Variants in ANKRD31 observed in about 807,000 individuals in gnomAD.
ANKRD31 encodes the protein ankyrin repeat domain 31, also known as ankyrin repeat domain-containing protein 31.
A neutral mutation model predicts 186.0 loss-of-function variants in ANKRD31; 147 were observed. The ratio of observed to expected loss-of-function variants is 0.79; its 90% CI spans 0.69 to 0.91. The LOEUF (loss-of-function observed/expected upper bound fraction) is 0.91, where lower values mean the gene tolerates loss of function less well. Among genes scored for constraint, ANKRD31 ranks in the 40% least tolerant of loss-of-function variants. The probability of loss-of-function intolerance (pLI) is 0.00; values close to 1 mark genes in which losing one functional copy is unlikely to be tolerated. For missense variants in ANKRD31, 1,986 were observed against 2,148.8 expected (o/e 0.92, Z 1.50); for synonymous variants, 673 against 736.4 (o/e 0.91, Z 1.39).
chr5:75,223,272 A>G (rs1757416627), intron 2 of ANKRD31, among the ~76,000 whole-genome samples: 1 of 150,890 alleles, frequency 6.6e-6, no homozygotes, highest in African/African-American at 2.5e-5. Context: ...AATATTTTTC[A>G]ATTATTAAGA....
intron 17 of ANKRD31, among the ~76,000 whole-genome samples, chr5:75,133,898 C>A (rs878975778): frequency 6.6e-6 from 1 of 152,098 alleles, no homozygotes; most frequent in African/African-American, 2.4e-5. Context: ...AACTGAACAA[C>A]CTGCTCCTGA....
chr5:75,148,434 T>A (rs977457161), intron 13 of ANKRD31, 142 bp downstream of exon 13: 1 of 544,806 alleles, frequency 1.8e-6, no homozygotes, highest in Non-Finnish European at 3.1e-6. Context: ...CTGATTCTCA[T>A]GCAATTATTC....
chr5:75,211,649 A>G (rs1756657419), intron 3 of ANKRD31, among the ~76,000 whole-genome samples: 1 of 152,154 alleles, frequency 6.6e-6, no homozygotes, highest in Non-Finnish European at 1.5e-5. Context: ...ATTCTTGCCA[A>G]CACTTGTTAT....
chr5:75,122,053 G>A (rs747790483), intron 17 of ANKRD31, among the ~76,000 whole-genome samples: 52 of 152,008 alleles, frequency 3.4e-4, no homozygotes, highest in Non-Finnish European at 6.6e-4. Context: ...AGATAAACAA[G>A]TTGATAAATT....
intron 19 of ANKRD31, among the ~76,000 whole-genome samples, chr5:75,115,639 A>C (rs202125832): frequency 2.0e-4 from 30 of 152,226 alleles, no homozygotes; most frequent in African/African-American, 6.7e-4. Context: ...ATTTATGCAG[A>C]CAAAAAACAC....
chr5:75,092,607 C>T (rs1206514529), intron 22 of ANKRD31, among the ~76,000 whole-genome samples: 1 of 152,044 alleles, frequency 6.6e-6, no homozygotes, highest in Non-Finnish European at 1.5e-5. Flanking sequence ...AACAAACAAG[C>T]AAATAGCAAT....
intron 4 of ANKRD31, among the ~76,000 whole-genome samples, chr5:75,209,728 T>C (rs1273283207): frequency 6.6e-6 from 1 of 152,172 alleles, no homozygotes; most frequent in Non-Finnish European, 1.5e-5. Flanking sequence ...GCTTTAAGCA[T>C]ACTTTCTATT....
chr5:75,203,571 G>T (rs1755949876), intron 5 of ANKRD31, among the ~76,000 whole-genome samples: 1 of 150,852 alleles, frequency 6.6e-6, no homozygotes, highest in South Asian at 2.1e-4. Context: ...GCTGAGACAG[G>T]AGAATTGGTT....
At chr5:75,214,965 G>A (rs1475464494) in intron 3 of ANKRD31, among the ~76,000 whole-genome samples, 1 of 152,122 alleles carries the variant, frequency 6.6e-6, no homozygotes, top group Non-Finnish European at 1.5e-5. Context: ...TTTATTATAA[G>A]GAATTGGCTC....
chr5:75,087,977 T>A (rs1025061523), intron 23 of ANKRD31, among the ~76,000 whole-genome samples: 2 of 152,150 alleles, frequency 1.3e-5, no homozygotes, highest in Non-Finnish European at 2.9e-5. Context: ...ATTTTCAGGA[T>A]CCAAAACTCC....
intron 11 of ANKRD31, among the ~76,000 whole-genome samples, chr5:75,159,459 C>A (rs1451059999): frequency 6.6e-6 from 1 of 151,654 alleles, no homozygotes; most frequent in Non-Finnish European, 1.5e-5. Context: ...TGTTAAAAGT[C>A]AAAGATAAAA....
chr5:75,118,040 T>A (rs757915541), intron 18 of ANKRD31, 95 bp downstream of exon 18: 9 of 963,448 alleles, frequency 9.3e-6, no homozygotes, highest in Non-Finnish European at 1.3e-5. Flanking sequence ...GACACATCTA[T>A]CCCAGTTATG....
rs1015937081 is a variant in ANKRD31 at position 75,144,171 on chromosome 5, T to C, written c.3425A>G (p.Asp1142Gly). The C allele has an allele frequency of 1.3e-5, 5 of 396,912 alleles. No individual in the cohort carries two copies. Among genetic ancestry groups the C allele is most frequent in the Non-Finnish European group, 2.2e-5 (5 of 225,002 alleles). The allele number at this position is 396,912 out of a possible 1,614,324, so 24.6% of individuals were successfully genotyped here. The change falls in exon 15 of 26, where the codon GAT (aspartate) becomes GGT (glycine). Residue 1142 changes from aspartate (D) to glycine (G), a missense_variant and splice_region_variant. Coordinates refer to ENST00000506364, the MANE Select transcript of ANKRD31 (RefSeq NM_001372053.1). ...REKKEISHKP[D>G]EELTNNISGD... ...ACTGATGTTATTAGTTAATTCCTCA[T>C]CTGAAACAAACATTTTACAATATCA...
chr5:75,090,006 C>G (rs1745809487), intron 23 of ANKRD31, among the ~76,000 whole-genome samples: 1 of 152,174 alleles, frequency 6.6e-6, no homozygotes, highest in African/African-American at 2.4e-5. Flanking sequence ...GCAGCACAGG[C>G]ATGTTGAGCT....
intron 17 of ANKRD31, among the ~76,000 whole-genome samples, chr5:75,131,309 G>C (rs780472426): frequency 1.6e-4 from 25 of 152,092 alleles, no homozygotes; most frequent in Non-Finnish European, 2.6e-4. Flanking sequence ...AGCGAGCGAG[G>C]GTTGCTAGCA....
chr5:75,110,839 G>A (rs1747720890), intron 20 of ANKRD31, among the ~76,000 whole-genome samples: 1 of 147,936 alleles, frequency 6.8e-6, no homozygotes, highest in African/African-American at 2.5e-5. Context: ...ACACTAATGT[G>A]TACACTGCTA....
intron 13 of ANKRD31, among the ~76,000 whole-genome samples, chr5:75,148,226 A>G (rs1377844721): frequency 6.6e-6 from 1 of 151,904 alleles, no homozygotes; most frequent in Non-Finnish European, 1.5e-5. Flanking sequence ...CTCAAGTACT[A>G]GATGAAGAGT....
At position 75,091,265 on chromosome 5, in the gene ANKRD31, C is replaced by T. The variant is rs1322705364; in HGVS notation, c.5468G>A (p.Ser1823Asn). ...ATAAACTTAAGAATGACCCACCTTA[C>T]TCCAAGCATAATTCCAGGTCACATA... ...NSYVTWNYAWSKVTYLGKELL... is the reference protein window; with the variant it reads ...NSYVTWNYAWNKVTYLGKELL... Residue 1823 changes from serine to asparagine, a missense_variant, in exon 23 of 26, where the codon AGT (serine) becomes AAT (asparagine). Transcript: ENST00000506364. The T allele has an allele frequency of 4.6e-6, 7 of 1,535,412 alleles. No individual in the cohort carries two copies. Among genetic ancestry groups the T allele is most frequent in the Non-Finnish European group, 6.1e-6 (7 of 1,146,488 alleles).
intron 17 of ANKRD31, among the ~76,000 whole-genome samples, chr5:75,131,879 G>A (rs1356286706): frequency 6.6e-6 from 1 of 152,152 alleles, no homozygotes; most frequent in Non-Finnish European, 1.5e-5. Context: ...AGCCTCCGCT[G>A]GTGATACCCA....
Sources: allele counts gnomAD v4.1 joint callset (sites outside exome capture counted in the v4.1 genomes callset), GRCh38; gene constraint gnomAD v4.1.1; transcripts MANE v1.5; gene names NCBI Gene and HGNC (gene_info 2026-07-23, HGNC 2026-07-21).